Variants in DGKI observed in about 807,000 individuals in gnomAD.
The protein encoded by DGKI is DAG kinase iota.
DGKI carries 55 observed loss-of-function variants against 147.5 expected under a neutral mutation model. The ratio of observed to expected loss-of-function variants is 0.37; its 90% confidence interval spans 0.30 to 0.47. The LOEUF is 0.47. DGKI is among the 20% of genes least tolerant of loss of function. DGKI has a pLI of 1.00. For missense variants in DGKI, 1,007 were observed against 1,323.8 expected (o/e 0.76, Z 3.71); for synonymous variants, 469 against 477.1 (o/e 0.98, Z 0.22).
intron 23 of DGKI, among the ~76,000 whole-genome samples, chr7:137,477,368 T>C (rs900060142): frequency 2.0e-5 from 3 of 152,262 alleles, no homozygotes; most frequent in East Asian, 1.9e-4. Context: ...AATATGTTTT[T>C]AGCATGTTGC....
chr7:137,650,524 G>T (rs71541363), intron 5 of DGKI, among the ~76,000 whole-genome samples: 2,846 of 152,252 alleles, frequency 0.019, 29 homozygotes, highest in Middle Eastern at 0.024. Context: ...CAACGCAATG[G>T]TAATAGGAGG....
intron 22 of DGKI, 134 bp from the exon 23 acceptor site, chr7:137,485,552 C>T: frequency 1.5e-6 from 1 of 680,366 alleles, no homozygotes. Context: ...CACCCAAATT[C>T]ATAAAGGTTA....
In DGKI at chr7:137,513,956, G is replaced by A. The variant is rs565136431; in HGVS notation, c.2248+7910C>T. 4.0e-4 allele frequency: 313 copies of A among 785,768 alleles called. No homozygotes were observed. The African/African-American group carries it at 4.5e-3, about 11-fold the overall frequency. 48.7% of individuals were successfully genotyped at this position (785,768 alleles called of 1,614,324 possible). ...AAGTAAACCGCTAGCTTGTTGCACC[G>A]TGGAGGCCACAGGAGCAGAAACATG... On this transcript the variant is annotated intron_variant, in intron 21 of 32. Coordinates refer to ENST00000614521, the MANE Select transcript of DGKI (RefSeq NM_001321708.2).
At chr7:137,426,594 C>T (rs1158386570) in intron 28 of DGKI, among the ~76,000 whole-genome samples, 2 of 152,154 alleles carry the variant, frequency 1.3e-5, no homozygotes, top group African/African-American at 4.8e-5. Flanking sequence ...AATTAAAAGA[C>T]ACAGACTGGC....
intron 4 of DGKI, 52 bp from the exon 5 acceptor site, chr7:137,654,840 ACT>A (rs960749047): frequency 8.5e-7 from 1 of 1,177,026 alleles, no homozygotes; most frequent in African/African-American, 1.6e-5. Flanking sequence ...ATCAGACTAG[ACT>A]GAATTACCTG....
At chr7:137,503,379 AT>A (rs1315122563) in intron 21 of DGKI, among the ~76,000 whole-genome samples, 1 of 152,178 alleles carries the variant, frequency 6.6e-6, no homozygotes, top group African/African-American at 2.4e-5. Flanking sequence ...TTACAACAGA[AT>A]TTCCAATACT....
intron 1 of DGKI, among the ~76,000 whole-genome samples, chr7:137,703,788 A>T (rs1262531790): frequency 6.6e-6 from 1 of 152,240 alleles, no homozygotes; most frequent in Admixed American, 6.5e-5. Flanking sequence ...GAGTTGTCAC[A>T]TTGTATTATT....
chr7:137,638,498 A>G (rs1305114342), intron 6 of DGKI, among the ~76,000 whole-genome samples: 1 of 121,236 alleles, frequency 8.2e-6, no homozygotes, highest in Non-Finnish European at 1.6e-5. Context: ...ACACACATAT[A>G]TATGTATATA....
chr7:137,718,511 G>A (rs1286497774), intron 1 of DGKI, among the ~76,000 whole-genome samples: 1 of 152,160 alleles, frequency 6.6e-6, no homozygotes, highest in Non-Finnish European at 1.5e-5. Flanking sequence ...CTGACTCAGG[G>A]CCACTCAAGC....
In DGKI at chr7:137,846,016, G is replaced by A. The variant is rs530736474; in HGVS notation, c.401+446C>T. Among the ~76,000 whole-genome samples, 26 of 152,242 alleles carry A rather than the reference G, an allele frequency of 1.7e-4. No individual in the cohort carries two copies. In the East Asian group the frequency reaches 5.0e-3, roughly 29 times the overall value. ...AGTTAGTGCCAAAGGTTCATCCAGC[G>A]AAATCTGGAAGGTGGGGGAAGGGTG... On this transcript the variant is annotated intron_variant, in intron 1 of 32. Coordinates refer to ENST00000614521, the MANE Select transcript of DGKI (RefSeq NM_001321708.2). This position sits in a 1 kb window ranked among gnomAD's most constrained non-coding sequence, Gnocchi z 4.0.
chr7:137,428,514 C>T (rs1378128531), intron 28 of DGKI, among the ~76,000 whole-genome samples: 2 of 152,072 alleles, frequency 1.3e-5, no homozygotes, highest in African/African-American at 2.4e-5. Context: ...CCCTCTCTCA[C>T]CACTCCTATT....
chr7:137,580,023 A>C (rs1819133627), intron 15 of DGKI, among the ~76,000 whole-genome samples: 1 of 152,130 alleles, frequency 6.6e-6, no homozygotes, highest in Admixed American at 6.5e-5. Flanking sequence ...AAACTTCATC[A>C]TAGTTCAAGG....
intron 1 of DGKI, among the ~76,000 whole-genome samples, chr7:137,717,814 A>T (rs1794425961): frequency 6.6e-6 from 1 of 152,220 alleles, no homozygotes; most frequent in African/African-American, 2.4e-5. Flanking sequence ...GTAAAAAGCC[A>T]GTGCCTAATG....
At chr7:137,531,115 T>A (rs1817323596) in intron 20 of DGKI, among the ~76,000 whole-genome samples, 1 of 152,008 alleles carries the variant, frequency 6.6e-6, no homozygotes, top group African/African-American at 2.4e-5. Context: ...AATATCCTAA[T>A]AAAAGGCAAA....
chr7:137,492,956 G>A (rs964871495), intron 21 of DGKI, among the ~76,000 whole-genome samples: 8 of 151,342 alleles, frequency 5.3e-5, no homozygotes, highest in African/African-American at 9.7e-5. Flanking sequence ...CAGCCCACCC[G>A]CACCCTCCCA....
rs1177416815 is a variant in DGKI, at chr7:137,466,836, G to C, written c.2484+66C>G. ...TTCGTTAGAAAAATTTATGAGATTAGCTACCAATAAAGCACATTAACTTGG... is the reference window on the plus strand; with the variant it reads ...TTCGTTAGAAAAATTTATGAGATTACCTACCAATAAAGCACATTAACTTGG... On this transcript the variant is annotated intron_variant, in intron 25 of 32. Transcript: ENST00000614521. 7.2e-6 allele frequency: 11 copies of C among 1,529,062 alleles called. No homozygotes were observed. The East Asian group carries it at 2.5e-4, about 34-fold the overall frequency. 94.7% of individuals were successfully genotyped at this position (1,529,062 alleles called of 1,614,324 possible).
At chr7:137,760,692 C>T (rs1337186094) in intron 1 of DGKI, among the ~76,000 whole-genome samples, 4 of 152,126 alleles carry the variant, frequency 2.6e-5, no homozygotes, top group East Asian at 1.9e-4. Context: ...GGAACCATTT[C>T]GGTTGGCAAA....
chr7:137,534,242 G>T (rs1246091382), intron 20 of DGKI, among the ~76,000 whole-genome samples: 1 of 152,030 alleles, frequency 6.6e-6, no homozygotes, highest in African/African-American at 2.4e-5. Flanking sequence ...TCTAGTACTG[G>T]AGTAAAAGTT....
intron 6 of DGKI, among the ~76,000 whole-genome samples, chr7:137,638,204 C>CAGAT (rs1821398091): frequency 6.6e-6 from 1 of 151,892 alleles, no homozygotes; most frequent in Non-Finnish European, 1.5e-5. Flanking sequence ...TTTCATTCTC[C>CAGAT]AGATACTCTT....
Sources: allele counts gnomAD v4.1 joint callset (sites outside exome capture counted in the v4.1 genomes callset), GRCh38; gene constraint gnomAD v4.1.1; non-coding constraint Gnocchi (gnomAD v3.1); transcripts MANE v1.5; gene names NCBI Gene and HGNC (gene_info 2026-07-23, HGNC 2026-07-21).